FSTL5: variants seen among roughly 807,000 people sequenced by gnomAD.
The protein encoded by FSTL5 is follistatin like 5, also known as follistatin-related protein 5.
In FSTL5, 62 loss-of-function variants were observed where a neutral mutation model predicts 89.1. The observed-to-expected ratio is 0.70, with a 90% CI of 0.57 to 0.86. FSTL5 has a LOEUF of 0.86. Among genes scored for constraint, FSTL5 ranks in the 40% least tolerant of loss-of-function variants. FSTL5 has a pLI of 0.00. For synonymous variants in FSTL5, 383 were observed against 346.2 expected (o/e 1.11, Z -1.18); for missense variants, 1,057 against 1,001.6 (o/e 1.06, Z -0.75).
At chr4:161,542,811 T>C (rs773673667) in intron 8 of FSTL5, 118 bp from the exon 9 acceptor site, 1 of 515,956 alleles carries the variant, frequency 1.9e-6, no homozygotes, top group Non-Finnish European at 3.1e-6. Context: ...ATGCTATACG[T>C]TTCTACAGAT....
chr4:161,752,873 C>T (rs753598379), intron 6 of FSTL5, among the ~76,000 whole-genome samples: 4 of 152,092 alleles, frequency 2.6e-5, no homozygotes, highest in Non-Finnish European at 5.9e-5. Flanking sequence ...CACCAGACAG[C>T]GTTCTCTCTC....
chr4:161,893,621 T>C (rs563662128), intron 4 of FSTL5, among the ~76,000 whole-genome samples: 1 of 152,282 alleles, frequency 6.6e-6, no homozygotes, highest in South Asian at 2.1e-4. Flanking sequence ...TACTCTTTTG[T>C]TTTCTCATCA....
intron 6 of FSTL5, among the ~76,000 whole-genome samples, chr4:161,741,661 T>C (rs1271919471): frequency 6.6e-6 from 1 of 150,634 alleles, no homozygotes; most frequent in Non-Finnish European, 1.5e-5. Context: ...CTGTGGTAAG[T>C]GATGGAGTGG....
intron 4 of FSTL5, among the ~76,000 whole-genome samples, chr4:161,846,048 CAAAA>C: frequency 6.9e-6 from 1 of 144,138 alleles, no homozygotes; most frequent in South Asian, 2.2e-4. Flanking sequence ...GACTCCGTCT[CAAAA>C]AAAAAAAAAA....
intron 6 of FSTL5, among the ~76,000 whole-genome samples, chr4:161,734,970 A>C (rs1224662466): frequency 6.6e-6 from 1 of 152,076 alleles, no homozygotes; most frequent in African/African-American, 2.4e-5. Context: ...TTCATTTCCA[A>C]CAGTTCCTAC....
At chr4:161,990,113 C>T (rs1736070408) in intron 3 of FSTL5, among the ~76,000 whole-genome samples, 1 of 152,064 alleles carries the variant, frequency 6.6e-6, no homozygotes, top group African/African-American at 2.4e-5. Context: ...TCAACAAGAT[C>T]AAATTGAGGT....
At chr4:161,710,882 C>T (rs1009735299) in intron 6 of FSTL5, among the ~76,000 whole-genome samples, 3 of 152,080 alleles carry the variant, frequency 2.0e-5, no homozygotes, top group African/African-American at 7.2e-5. Context: ...AACTCTACAA[C>T]ATAAGGGATT....
intron 3 of FSTL5, among the ~76,000 whole-genome samples, chr4:161,922,012 A>G (rs1560918246): frequency 1.3e-5 from 2 of 152,068 alleles, no homozygotes; most frequent in African/African-American, 4.8e-5. Context: ...TCATACATTA[A>G]TTTTATTTTC....
rs1730590380 is a variant in FSTL5 at position 161,385,578 on chromosome 4, T to C, written c.*169A>G. ...TTTCTAATTAACCAATATAATTAAT[T>C]GTGTATGTCTTAGTCACTTAGTCAA... On this transcript the variant is annotated 3_prime_UTR_variant, in exon 16 of 16. Coordinates refer to ENST00000306100, the MANE Select transcript of FSTL5 (RefSeq NM_020116.5). The C allele has an allele frequency of 3.7e-6, 2 of 547,654 alleles. No homozygotes were observed. The allele number at this position is 547,654 out of a possible 1,614,324, so 33.9% of individuals were successfully genotyped here.
chr4:161,710,275 G>A (rs1326204474), intron 6 of FSTL5, among the ~76,000 whole-genome samples: 6 of 152,076 alleles, frequency 3.9e-5, no homozygotes, highest in Non-Finnish European at 8.8e-5. Flanking sequence ...GCCAAACACA[G>A]ACTTTTGATA....
intron 1 of FSTL5, among the ~76,000 whole-genome samples, chr4:162,146,433 A>G (rs1732987910): frequency 6.6e-6 from 1 of 151,136 alleles, no homozygotes; most frequent in Non-Finnish European, 1.5e-5. Flanking sequence ...ACATGTTTTT[A>G]TGTTTCACTC....
intron 8 of FSTL5, among the ~76,000 whole-genome samples, chr4:161,554,577 A>G (rs1191118100): frequency 4.0e-5 from 6 of 151,658 alleles, no homozygotes; most frequent in African/African-American, 1.2e-4. Flanking sequence ...CAGTGACTTC[A>G]TTCTAACTGA....
At chr4:162,152,231 T>C (rs186188123) in intron 1 of FSTL5, among the ~76,000 whole-genome samples, 93 of 152,284 alleles carry the variant, frequency 6.1e-4, no homozygotes, top group African/African-American at 2.2e-3. Context: ...TGTAAAGAAG[T>C]AGACTTTAAA....
chr4:161,842,629 A>T (rs2126873028), intron 4 of FSTL5, among the ~76,000 whole-genome samples: 1 of 152,222 alleles, frequency 6.6e-6, no homozygotes, highest in Non-Finnish European at 1.5e-5. Flanking sequence ...TAGTCTATTT[A>T]TCTTCTCTAT....
At chr4:162,114,498 C>CTCT (rs1731558753) in intron 1 of FSTL5, among the ~76,000 whole-genome samples, 1 of 149,924 alleles carries the variant, frequency 6.7e-6, no homozygotes. Flanking sequence ...TTTTCTCTCT[C>CTCT]TCTTCTTCCC....
At chr4:162,055,285 G>T (rs1738501709) in intron 2 of FSTL5, among the ~76,000 whole-genome samples, 1 of 151,458 alleles carries the variant, frequency 6.6e-6, no homozygotes. Flanking sequence ...AATTCAAAGA[G>T]CAATTTGATC....
chr4:161,834,612 T>C (rs1275913192), intron 4 of FSTL5, among the ~76,000 whole-genome samples: 1 of 152,110 alleles, frequency 6.6e-6, no homozygotes, highest in Non-Finnish European at 1.5e-5. Flanking sequence ...AGTCTCAGGA[T>C]ACAAAATCAA....
chr4:161,740,687 T>C (rs1217923591), intron 6 of FSTL5, among the ~76,000 whole-genome samples: 2 of 149,978 alleles, frequency 1.3e-5, no homozygotes, highest in East Asian at 2.0e-4. Context: ...TTTACACTTA[T>C]AAATTTGACA....
At chr4:162,108,338 G>T (rs938775031) in intron 2 of FSTL5, among the ~76,000 whole-genome samples, 2 of 151,900 alleles carry the variant, frequency 1.3e-5, no homozygotes, top group East Asian at 1.9e-4. Context: ...TGACAAACAG[G>T]TCTCATATTT....
Sources: gnomAD v4.1 joint callset for allele counts (sites outside exome capture counted in the v4.1 genomes callset) on GRCh38, gnomAD v4.1.1 for gene constraint, MANE v1.5 for transcripts, NCBI Gene and HGNC (gene_info 2026-07-23, HGNC 2026-07-21) for gene names.